Variants in ANKRD28 observed in about 807,000 individuals in gnomAD.
ANKRD28 encodes ankyrin repeat domain 28.
Under a neutral mutation model 126.5 loss-of-function variants are expected in ANKRD28, and 44 were observed. That is an observed-to-expected ratio of 0.35 (90% CI 0.27 to 0.45). The LOEUF (loss-of-function observed/expected upper bound fraction) is 0.45, where lower values mean the gene tolerates loss of function less well. ANKRD28 is among the 20% of genes least tolerant of loss of function. ANKRD28 has a pLI of 1.00. For synonymous variants in ANKRD28, 442 were observed against 468.5 expected, an observed-to-expected ratio of 0.94 and a Z score of 0.73; for missense variants, 1,110 against 1,316.6, an observed-to-expected ratio of 0.84 and a Z score of 2.43.
rs1248545820 is a variant in ANKRD28, at chr3:15,830,432, T to A, written c.27+28945A>T. Among the ~76,000 whole-genome samples the A allele has an allele frequency of 6.9e-6, 1 of 144,814 alleles. No individual in the cohort carries two copies. Among genetic ancestry groups the A allele is most frequent in the Non-Finnish European group, 1.5e-5 (1 of 67,896 alleles). ...ACCTCAACTCTGACTCCTGTCAGAG[T>A]AGCGCAGCATTAGATTCTCATAGGA... On this transcript the variant is annotated intron_variant, in intron 1 of 27. Transcript: ENST00000399451. The surrounding 1 kb of genome is among the most constrained non-coding windows in gnomAD (Gnocchi z 4.5).
At position 15,670,218 on chromosome 3, in the gene ANKRD28, GA is replaced by G; in HGVS notation, c.*51del. The G allele has an allele frequency of 1.3e-6, 2 of 1,567,694 alleles. No individual in the cohort carries two copies. Among genetic ancestry groups the G allele is most frequent in the South Asian group, 2.4e-5 (2 of 84,864 alleles). On this transcript the variant is annotated 3_prime_UTR_variant, in exon 28 of 28. Coordinates refer to ENST00000683139, the MANE Select transcript of ANKRD28 (RefSeq NM_001349278.2). ...GTGAATATCAAAGTGCCTTTTTCCT[GA>G]AAAAGCACAGTTTGAAGCTTTACTG...
intron 13 of ANKRD28, among the ~76,000 whole-genome samples, chr3:15,709,122 T>C (rs1237902774): frequency 1.3e-5 from 2 of 152,210 alleles, no homozygotes; most frequent in Non-Finnish European, 2.9e-5. Flanking sequence ...AAGACTGTCA[T>C]TTCACAGCTG....
intron 4 of ANKRD28, 85 bp downstream of exon 4, chr3:15,751,664 GA>G: frequency 1.1e-6 from 1 of 925,906 alleles, no homozygotes; most frequent in Non-Finnish European, 1.6e-6. Flanking sequence ...TCCTTCTTTT[GA>G]AAACATAGAA....
intron 4 of ANKRD28, among the ~76,000 whole-genome samples, chr3:15,743,051 T>C (rs375957892): frequency 1.3e-5 from 2 of 152,122 alleles, no homozygotes; most frequent in African/African-American, 4.8e-5. Flanking sequence ...TTCTGCCTTG[T>C]GATCCTGTTG....
chr3:15,810,729 T>C (rs981225087), intron 1 of ANKRD28, among the ~76,000 whole-genome samples: 11 of 151,818 alleles, frequency 7.2e-5, no homozygotes, highest in African/African-American at 1.9e-4. Context: ...CTAAGTAACA[T>C]TGTCCTTAGC....
chr3:15,825,562 CAG>C (rs149452057), intron 1 of ANKRD28, among the ~76,000 whole-genome samples: 2,535 of 151,924 alleles, frequency 0.017, 63 homozygotes, highest in African/African-American at 0.057. Context: ...TTAGAAGAAA[CAG>C]AATATTTTTT....
chr3:15,720,970 T>C lies in ANKRD28; in HGVS notation c.941A>G (p.His314Arg). ...TPLHFAAAST[H>R]GALCLELLVG... Reference sequence around the variant, plus strand: ...TAGAAGCTCTAAACACAATGCTCCATGTGTTGATGCAGCAGCAAAGTGCAA... The same window carrying C: ...TAGAAGCTCTAAACACAATGCTCCACGTGTTGATGCAGCAGCAAAGTGCAA... Residue 314 changes from histidine to arginine, a missense_variant, in exon 8 of 28, where the codon CAT becomes CGT. Coordinates refer to ENST00000683139, the MANE Select transcript of ANKRD28 (RefSeq NM_001349278.2). 1 of 1,613,900 alleles carries C rather than the reference T, an allele frequency of 6.2e-7. No homozygotes were observed. The highest frequency in any genetic ancestry group is 8.5e-7 in the Non-Finnish European group (1 of 1,179,838).
chr3:15,676,301 T>G, intron 26 of ANKRD28: 2 of 230,138 alleles, frequency 8.7e-6, no homozygotes, highest in African/African-American at 2.2e-5. Context: ...TGAAATTGCA[T>G]TCCTCCGTTG....
In ANKRD28 at chr3:15,696,120, T is replaced by C. The variant is rs1476814929; in HGVS notation, c.1659+14A>G. On this transcript the variant is annotated intron_variant, in intron 15 of 27. Coordinates refer to ENST00000683139, the MANE Select transcript of ANKRD28 (RefSeq NM_001349278.2). Reference sequence around the variant, plus strand: ...ACTCCCATTAGGTCTTTCACAAGAATTCAGGAATCTTACCAGCTGAAGACA... The same window carrying C: ...ACTCCCATTAGGTCTTTCACAAGAACTCAGGAATCTTACCAGCTGAAGACA... The C allele has an allele frequency of 5.3e-6, 8 of 1,522,722 alleles. No individual in the cohort carries two copies. Among genetic ancestry groups the C allele is most frequent in the Non-Finnish European group, 6.3e-6 (7 of 1,113,720 alleles). 94.3% of individuals were successfully genotyped at this position (1,522,722 alleles called of 1,614,324 possible).
intron 18 of ANKRD28, among the ~76,000 whole-genome samples, chr3:15,688,790 C>T (rs775636975): frequency 6.6e-6 from 1 of 152,150 alleles, no homozygotes; most frequent in East Asian, 1.9e-4. Context: ...GGTTATAGAC[C>T]TTCGTATTTT....
At chr3:15,756,928 T>C (rs569102179) in intron 3 of ANKRD28, among the ~76,000 whole-genome samples, 2 of 152,304 alleles carry the variant, frequency 1.3e-5, no homozygotes, top group African/African-American at 4.8e-5. Flanking sequence ...TTTTTGAACC[T>C]CAATTACAGC....
chr3:15,851,848 C>T (rs1004337558), intron 1 of ANKRD28, among the ~76,000 whole-genome samples: 1 of 152,084 alleles, frequency 6.6e-6, no homozygotes. Flanking sequence ...TTTGTATCAG[C>T]ATAACAACCA....
chr3:15,694,053 C>T (rs901261845), intron 17 of ANKRD28, among the ~76,000 whole-genome samples: 1 of 151,978 alleles, frequency 6.6e-6, no homozygotes, highest in African/African-American at 2.4e-5. Flanking sequence ...TCTCAAAGTA[C>T]CCCCTTCCCT....
chr3:15,726,460 G>A lies in ANKRD28; in HGVS notation c.641-1936C>T, dbSNP rs534278116. ...GACGACCAAAACAGCTACAAAATTC[G>A]CTTATGCCAAAGCCTAATCGAGAGC... is the stretch of plus-strand genomic sequence containing the variant. On this transcript the variant is annotated intron_variant, in intron 6 of 27. Coordinates refer to ENST00000683139, the MANE Select transcript of ANKRD28 (RefSeq NM_001349278.2). Among the ~76,000 whole-genome samples, 85 of 152,276 alleles carry A rather than the reference G, an allele frequency of 5.6e-4. 2 individuals carry two copies. The South Asian group carries it at 0.017, about 31-fold the overall frequency.
chr3:15,856,108 T>C (rs1213428976), intron 1 of ANKRD28, among the ~76,000 whole-genome samples: 1 of 152,166 alleles, frequency 6.6e-6, no homozygotes, highest in Non-Finnish European at 1.5e-5. Flanking sequence ...TTAATTGTTG[T>C]CAACGGTAGC....
rs2075075786 is a variant in ANKRD28 at position 15,737,228 on chromosome 3, T to G, written c.357A>C (p.Ala119=). 2 of 1,612,990 alleles carry G rather than the reference T, an allele frequency of 1.2e-6. No homozygotes were observed. The highest frequency in any genetic ancestry group is 2.2e-5 in the East Asian group (1 of 44,886). ...CAGAATGCTTCAAAAGTACCTGAAC[T>G]GCTTCCTAAAACATATGAAAAGTTA... is the stretch of plus-strand genomic sequence containing the variant. ...HRAVASCSEE[A]VQVLLKHSAD... The change falls in exon 5 of 28, where the codon GCA becomes GCC. Residue 119 remains alanine, a synonymous_variant. Coordinates refer to ENST00000683139, the MANE Select transcript of ANKRD28 (RefSeq NM_001349278.2).
At chr3:15,720,851 C>T (rs1559403716) in intron 8 of ANKRD28, 64 bp downstream of exon 8, 1 of 1,365,178 alleles carries the variant, frequency 7.3e-7, no homozygotes. Context: ...CAATGGTATT[C>T]ACCATTGATG....
At chr3:15,841,194 T>C (rs1334545927) in intron 1 of ANKRD28, among the ~76,000 whole-genome samples, 1 of 152,036 alleles carries the variant, frequency 6.6e-6, no homozygotes, top group Non-Finnish European at 1.5e-5. Context: ...AAAAATCAAA[T>C]CAAGATGGAT....
intron 4 of ANKRD28, among the ~76,000 whole-genome samples, chr3:15,749,087 T>C (rs1364015633): frequency 7.2e-6 from 1 of 138,612 alleles, no homozygotes; most frequent in Admixed American, 8.1e-5. Flanking sequence ...TTTCATATTC[T>C]ATATTATGTT....
Sources: gnomAD v4.1 joint callset for allele counts (sites outside exome capture counted in the v4.1 genomes callset) on GRCh38, gnomAD v4.1.1 for gene constraint, Gnocchi (gnomAD v3.1) non-coding constraint, MANE v1.5 for transcripts, NCBI Gene and HGNC (gene_info 2026-07-23, HGNC 2026-07-21) for gene names.